FILIP1L: variants seen among roughly 807,000 people sequenced by gnomAD.
The protein encoded by FILIP1L is filamin A-interacting protein 1-like.
A neutral mutation model predicts 96.6 loss-of-function variants in FILIP1L; 55 were observed. The observed-to-expected ratio is 0.57, with a 90% CI of 0.46 to 0.71. The LOEUF (loss-of-function observed/expected upper bound fraction) is 0.71. Ranked by LOEUF, FILIP1L falls within the 30% of genes least tolerant of loss-of-function variation. The pLI, the probability that FILIP1L is intolerant of heterozygous loss-of-function variation, is 0.00. For synonymous variants in FILIP1L, 467 were observed against 473.9 expected, an observed-to-expected ratio of 0.99 and a Z score of 0.19; for missense variants, 1,304 against 1,321.2, an observed-to-expected ratio of 0.99 and a Z score of 0.20.
chr3:99,874,843 C>T (rs1005099974), intron 4 of FILIP1L, among the ~76,000 whole-genome samples: 1 of 152,194 alleles, frequency 6.6e-6, no homozygotes, highest in South Asian at 2.1e-4. Flanking sequence ...CACACATACA[C>T]CTCAGTGGTT....
At chr3:99,858,371 A>G (rs1944077161) in intron 4 of FILIP1L, among the ~76,000 whole-genome samples, 1 of 152,278 alleles carries the variant, frequency 6.6e-6, no homozygotes, top group African/African-American at 2.4e-5. Flanking sequence ...AGGCTGAGGC[A>G]GGAGAATTGC....
intron 4 of FILIP1L, among the ~76,000 whole-genome samples, chr3:99,923,267 T>C (rs1707181519): frequency 6.6e-6 from 1 of 152,176 alleles, no homozygotes; most frequent in African/African-American, 2.4e-5. Context: ...TACAGACCTA[T>C]ATTTCTGACC....
Position 100,048,476 on chromosome 3 carries a change from C to T in FILIP1L, c.-11+65577G>A, listed in dbSNP as rs961766046. Among the ~76,000 whole-genome samples, 4 of 152,102 alleles carry T rather than the reference C, an allele frequency of 2.6e-5. No homozygotes were observed. The South Asian group carries it at 8.3e-4, about 31-fold the overall frequency. Reference sequence around the variant, plus strand: ...TGGCTAACCGAGGCAAGCTGTGACACGGAGCTCACTCCATCTCAGTCAGAG... The same window carrying T: ...TGGCTAACCGAGGCAAGCTGTGACATGGAGCTCACTCCATCTCAGTCAGAG... On this transcript the variant is annotated intron_variant, in intron 1 of 5. Coordinates refer to ENST00000477258, the MANE Select transcript of FILIP1L (RefSeq NM_001387850.1).
At chr3:99,933,876 T>A (rs1307091154) in intron 1 of FILIP1L, among the ~76,000 whole-genome samples, 1 of 152,244 alleles carries the variant, frequency 6.6e-6, no homozygotes, top group Non-Finnish European at 1.5e-5. Flanking sequence ...CTCAGGTACA[T>A]GTTAGTGTTT....
intron 1 of FILIP1L, among the ~76,000 whole-genome samples, chr3:100,029,659 G>T (rs934896947): frequency 1.3e-5 from 2 of 152,156 alleles, no homozygotes; most frequent in African/African-American, 4.8e-5. Context: ...ACATTCCATA[G>T]AAGATAGAAT....
rs148649495 is a variant in FILIP1L at position 100,094,024 on chromosome 3, G to C, written c.-11+20029C>G. 2.1e-3 allele frequency among the ~76,000 whole-genome samples: 319 copies of C among 152,276 alleles called. 1 individual carries two copies. The highest frequency in any genetic ancestry group is 0.014 in the Middle Eastern group (4 of 294). ...CATATGGTAGTTTTATAGAGTTACT[G>C]TACCAACTTACATTCCTACCAGCAA... On this transcript the variant is annotated intron_variant, in intron 1 of 5. Coordinates refer to ENST00000477258, the MANE Select transcript of FILIP1L (RefSeq NM_001387850.1).
intron 1 of FILIP1L, among the ~76,000 whole-genome samples, chr3:100,056,723 G>A (rs148382513): frequency 0.018 from 2,733 of 152,086 alleles, 50 homozygotes; most frequent in East Asian, 0.098. Flanking sequence ...AATGGGGCCG[G>A]GCGCGGTGGC....
chr3:99,829,557 T>C lies in FILIP1L; in HGVS notation c.*857A>G, dbSNP rs529533701. Among the ~76,000 whole-genome samples the C allele has an allele frequency of 8.5e-5, 13 of 152,350 alleles. No homozygotes were observed. Among genetic ancestry groups the C allele is most frequent in the South Asian group, 4.1e-4 (2 of 4,832 alleles). On this transcript the variant is annotated 3_prime_UTR_variant, in exon 6 of 6. Transcript: ENST00000477258. ...TACATGTGGAAACTCAAGGCTTAGA[T>C]TGATGAATGCAAAGCTCGTTGTCAC...
chr3:99,945,866 T>G (rs1707992556), intron 1 of FILIP1L, among the ~76,000 whole-genome samples: 1 of 152,162 alleles, frequency 6.6e-6, no homozygotes, highest in Non-Finnish European at 1.5e-5. Flanking sequence ...ATGCGAAACC[T>G]CTTGTCACAG....
chr3:100,001,417 G>A (rs1391095286), intron 1 of FILIP1L, among the ~76,000 whole-genome samples: 1 of 152,154 alleles, frequency 6.6e-6, no homozygotes, highest in Non-Finnish European at 1.5e-5. Context: ...GGAAAAAGTT[G>A]GCTGACCACT....
At chr3:99,975,049 G>C (rs532144689) in intron 1 of FILIP1L, among the ~76,000 whole-genome samples, 111 of 152,272 alleles carry the variant, frequency 7.3e-4, no homozygotes, top group South Asian at 4.2e-3. Flanking sequence ...AACTCTGAGT[G>C]ACTGCTAATG....
At chr3:100,078,833 G>C (rs1379039825) in intron 1 of FILIP1L, among the ~76,000 whole-genome samples, 1 of 152,170 alleles carries the variant, frequency 6.6e-6, no homozygotes, top group African/African-American at 2.4e-5. Flanking sequence ...GGAGGCTGCA[G>C]TGAGCCAAGA....
At chr3:99,898,764 TA>T (rs35626116) in intron 4 of FILIP1L, 37,595 of 123,500 alleles carry the variant, frequency 0.3, 5,640 homozygotes, top group African/African-American at 0.42. Context: ...AGACTCCATC[TA>T]AAAAAAAAAA....
rs75420518 is a variant in FILIP1L, at chr3:100,001,316, G to A, written c.-10-70286C>T. Among the ~76,000 whole-genome samples the A allele has an allele frequency of 3.4e-3, 522 of 152,188 alleles. 6 individuals carry two copies. Among genetic ancestry groups the A allele is most frequent in the African/African-American group, 0.012 (492 of 41,520 alleles). ...CTCCTTCATTTACATATTATCTATCGCTGTTTCTGTGACGCAGTGTCAGAG... is the reference window on the plus strand; with the variant it reads ...CTCCTTCATTTACATATTATCTATCACTGTTTCTGTGACGCAGTGTCAGAG... On this transcript the variant is annotated intron_variant, in intron 1 of 5. Coordinates refer to ENST00000477258, the MANE Select transcript of FILIP1L (RefSeq NM_001387850.1).
chr3:100,023,536 G>A lies in FILIP1L; in HGVS notation c.-11+90517C>T, dbSNP rs567551628. ...TGTGAAAGAACTGTAAGTGGTATGA[G>A]ACTAAAACAGTTTCTTGGGGGGAGA... On this transcript the variant is annotated intron_variant, in intron 1 of 5. Coordinates refer to ENST00000477258, the MANE Select transcript of FILIP1L (RefSeq NM_001387850.1). 2.6e-5 allele frequency: 4 copies of A among 152,740 alleles called. No homozygotes were observed. In the East Asian group the frequency reaches 7.7e-4, roughly 29 times the overall value. 9.5% of individuals were successfully genotyped at this position (152,740 alleles called of 1,614,324 possible). A position where few individuals can be genotyped will look rare whatever the true frequency, so the allele number is the denominator to read the frequency against.
chr3:99,955,516 G>C (rs1708296157), intron 1 of FILIP1L, among the ~76,000 whole-genome samples: 1 of 152,182 alleles, frequency 6.6e-6, no homozygotes, highest in African/African-American at 2.4e-5. Context: ...CAGGAAGCCA[G>C]TTCCTCAGAA....
At chr3:99,919,917 C>T (rs944504427) in intron 4 of FILIP1L, among the ~76,000 whole-genome samples, 2 of 152,214 alleles carry the variant, frequency 1.3e-5, no homozygotes, top group African/African-American at 4.8e-5. Context: ...GGCCTCTGCA[C>T]CACTGTTCTA....
intron 1 of FILIP1L, among the ~76,000 whole-genome samples, chr3:99,997,153 AT>A (rs1185108992): frequency 6.6e-6 from 1 of 152,218 alleles, no homozygotes; most frequent in Non-Finnish European, 1.5e-5. Context: ...AAGAAAAACC[AT>A]ACAAAGGATG....
chr3:99,852,370 TG>T (rs1943738955), intron 4 of FILIP1L, among the ~76,000 whole-genome samples: 1 of 152,248 alleles, frequency 6.6e-6, no homozygotes, highest in Non-Finnish European at 1.5e-5. Flanking sequence ...AATTATCAAA[TG>T]CATGTCTATC....
Sources: gnomAD v4.1 joint callset for allele counts (sites outside exome capture counted in the v4.1 genomes callset) on GRCh38, gnomAD v4.1.1 for gene constraint, MANE v1.5 for transcripts, NCBI Gene and HGNC (gene_info 2026-07-23, HGNC 2026-07-21) for gene names.